Variants in UBLCP1 observed in about 807,000 individuals in gnomAD.
The protein encoded by UBLCP1 is ubiquitin-like domain-containing CTD phosphatase 1.
UBLCP1 carries 28 observed loss-of-function variants against 42.4 expected under a neutral mutation model. The ratio of observed to expected loss-of-function variants is 0.66; its 90% CI spans 0.49 to 0.90. The LOEUF is 0.90. Among genes scored for constraint, UBLCP1 ranks in the 40% least tolerant of loss-of-function variants. The pLI, the probability that UBLCP1 is intolerant of heterozygous loss-of-function variation, is 0.00. For missense variants in UBLCP1, 279 were observed against 374.5 expected, an observed-to-expected ratio of 0.75 and a Z score of 2.10; for synonymous variants, 122 against 120.8, an observed-to-expected ratio of 1.01 and a Z score of -0.07.
chr5:159,284,206 A>G (rs1398152616), intron 10 of UBLCP1, among the ~76,000 whole-genome samples: 1 of 152,132 alleles, frequency 6.6e-6, no homozygotes, highest in African/African-American at 2.4e-5. Context: ...AGTCATGGAG[A>G]TAGTAAATAC....
At chr5:159,267,683 A>G (rs1753415756) in intron 1 of UBLCP1, among the ~76,000 whole-genome samples, 1 of 152,216 alleles carries the variant, frequency 6.6e-6, no homozygotes, top group Non-Finnish European at 1.5e-5. Flanking sequence ...AGAGGGACCC[A>G]GGGGAAGGTA....
chr5:159,274,745 T>C, intron 7 of UBLCP1, 123 bp downstream of exon 7: 4 of 785,622 alleles, frequency 5.1e-6, no homozygotes, highest in Non-Finnish European at 8.3e-6. Flanking sequence ...TAAATGCCAT[T>C]ATTGGGAGTA....
In UBLCP1 at chr5:159,270,125, C is replaced by T. The variant is rs1753446608; in HGVS notation, c.246+126C>T. On this transcript the variant is annotated intron_variant, in intron 3 of 10. Transcript: ENST00000296786. ...AGCAATCAATGAAAAATAAAACCCG[C>T]ACCGTGAATGTGTTATTAACTGTAT... The T allele has an allele frequency of 8.6e-6, 7 of 810,394 alleles. No individual in the cohort carries two copies. In the Admixed American group the frequency reaches 9.1e-5, roughly 10 times the overall value. 50.2% of individuals were successfully genotyped at this position (810,394 alleles called of 1,614,324 possible). A position where few individuals can be genotyped will look rare whatever the true frequency, so the allele number is the denominator to read the frequency against.
intron 9 of UBLCP1, among the ~76,000 whole-genome samples, chr5:159,281,017 T>G (rs1289964929): frequency 2.0e-5 from 3 of 152,340 alleles, no homozygotes; most frequent in South Asian, 2.1e-4. Context: ...TTTTTAAAAA[T>G]GTACAGTAAA....
At chr5:159,275,403 A>ATTTTTTT (rs56675251) in intron 8 of UBLCP1, 157 bp downstream of exon 8, 1 of 155,598 alleles carries the variant, frequency 6.4e-6, no homozygotes. Context: ...AGGTTAAAAG[A>ATTTTTTT]TTTTTTTTTT....
intron 10 of UBLCP1, among the ~76,000 whole-genome samples, chr5:159,284,414 A>C (rs1051534243): frequency 6.6e-6 from 1 of 152,218 alleles, no homozygotes; most frequent in Non-Finnish European, 1.5e-5. Context: ...GTAATGTCTT[A>C]TATCTTTTAC....
At position 159,277,854 on chromosome 5, in the gene UBLCP1, C is replaced by A. The variant is rs550442440; in HGVS notation, c.685-384C>A. ...AGGGTGTTCTAGTTTTGAAAGCAGACTCCATGTGACTCCCAAGCTCTGAGA... is the reference window on the plus strand; with the variant it reads ...AGGGTGTTCTAGTTTTGAAAGCAGAATCCATGTGACTCCCAAGCTCTGAGA... On this transcript the variant is annotated intron_variant, in intron 8 of 10. Coordinates refer to ENST00000296786, the MANE Select transcript of UBLCP1 (RefSeq NM_145049.5). Among the ~76,000 whole-genome samples the A allele has an allele frequency of 3.1e-4, 47 of 152,168 alleles. No homozygotes were observed. The East Asian group carries it at 8.3e-3, about 27-fold the overall frequency.
chr5:159,281,525 A>T (rs779236331), intron 9 of UBLCP1, among the ~76,000 whole-genome samples: 2 of 152,298 alleles, frequency 1.3e-5, no homozygotes, highest in South Asian at 4.1e-4. Flanking sequence ...TCTCCCACAA[A>T]TGCTGATTTC....
intron 7 of UBLCP1, among the ~76,000 whole-genome samples, 154 bp from the exon 8 acceptor site, chr5:159,274,994 A>G (rs781226268): frequency 2.2e-4 from 34 of 152,198 alleles, no homozygotes; most frequent in Non-Finnish European, 3.7e-4. Flanking sequence ...TGACTTGGCT[A>G]AGTGAAACTA....
At chr5:159,280,021 T>C (rs1240837428) in intron 9 of UBLCP1, among the ~76,000 whole-genome samples, 1 of 152,204 alleles carries the variant, frequency 6.6e-6, no homozygotes, top group East Asian at 1.9e-4. Flanking sequence ...AGAGATGTTA[T>C]TGTAAATGTC....
At chr5:159,271,239 T>C (rs1345972872) in intron 5 of UBLCP1, among the ~76,000 whole-genome samples, 1 of 152,026 alleles carries the variant, frequency 6.6e-6, no homozygotes, top group Non-Finnish European at 1.5e-5. Flanking sequence ...GGTGGGAGGA[T>C]TGCTTGAGCT....
rs56675251 is a variant in UBLCP1, at chr5:159,275,403, ATTTTTTTTTTTTT to A, written c.684+172_684+184del. ...AGGAAAATGTATTTAAGGTTAAAAG[ATTTTTTTTTTTTT>A]TTTTTTTTTTTTTTGAGATGGAGTC... On this transcript the variant is annotated intron_variant, in intron 8 of 10. Coordinates refer to ENST00000296786, the MANE Select transcript of UBLCP1 (RefSeq NM_145049.5). 72 of 164,414 alleles carry A rather than the reference ATTTTTTTTTTTTT, an allele frequency of 4.4e-4. 1 individual carries two copies. Among genetic ancestry groups the A allele is most frequent in the Non-Finnish European group, 6.8e-4 (67 of 97,828 alleles). The allele number at this position is 164,414 out of a possible 1,614,324, so 10.2% of individuals were successfully genotyped here.
chr5:159,275,284 GT>G (rs1481897689), intron 8 of UBLCP1, 38 bp downstream of exon 8: 1 of 1,525,652 alleles, frequency 6.6e-7, no homozygotes, highest in Non-Finnish European at 9.0e-7. Flanking sequence ...TGACACCATG[GT>G]TATTTTCCAG....
In UBLCP1 at chr5:159,285,219, C is replaced by G; in HGVS notation, c.*288C>G. On this transcript the variant is annotated 3_prime_UTR_variant, in exon 11 of 11. Transcript: ENST00000296786. ...CACCACACACACACACACACACACA[C>G]ACACACACACACACACACACACACA... The G allele has an allele frequency of 4.0e-6, 1 of 251,332 alleles. No homozygotes were observed. The highest frequency in any genetic ancestry group is 7.4e-6 in the Non-Finnish European group (1 of 134,474). 15.6% of individuals were successfully genotyped at this position (251,332 alleles called of 1,614,324 possible). A position where few individuals can be genotyped will look rare whatever the true frequency, so the allele number is the denominator to read the frequency against.
At chr5:159,282,751 A>G (rs1447013417) in intron 9 of UBLCP1, among the ~76,000 whole-genome samples, 2 of 152,138 alleles carry the variant, frequency 1.3e-5, no homozygotes, top group Non-Finnish European at 2.9e-5. Context: ...TAAATGTATA[A>G]TGATATCTCA....
intron 1 of UBLCP1, among the ~76,000 whole-genome samples, chr5:159,267,476 T>G (rs1017419491): frequency 6.6e-6 from 1 of 152,160 alleles, no homozygotes; most frequent in Non-Finnish European, 1.5e-5. Context: ...TTGTCTTAGA[T>G]GAGACTTTGG....
chr5:159,278,362 A>G lies in UBLCP1; in HGVS notation c.801+8A>G, dbSNP rs12520035. On this transcript the variant is annotated splice_region_variant and intron_variant, in intron 9 of 10. Transcript: ENST00000296786. ...CCACAGAATGGACTAAAGGTAAGACATACTTTTACTTGTTATGTGCTCATG... is the reference window on the plus strand; with the variant it reads ...CCACAGAATGGACTAAAGGTAAGACGTACTTTTACTTGTTATGTGCTCATG... 0.1 allele frequency: 160,706 copies of G among 1,552,928 alleles called. 8,818 individuals are homozygous for G. The highest frequency in any genetic ancestry group is 0.18 in the Middle Eastern group (1,073 of 5,940).
intron 5 of UBLCP1, among the ~76,000 whole-genome samples, chr5:159,271,230 G>T (rs928846799): frequency 3.9e-5 from 6 of 152,126 alleles, no homozygotes; most frequent in Non-Finnish European, 8.8e-5. Context: ...GAAGGCTGAG[G>T]TGGGAGGATT....
chr5:159,283,552 A>T (rs1753632534), intron 10 of UBLCP1, among the ~76,000 whole-genome samples: 1 of 151,876 alleles, frequency 6.6e-6, no homozygotes. Context: ...CCTCTTGTAA[A>T]CTCTTTAATA....
Sources: allele counts gnomAD v4.1 joint callset (sites outside exome capture counted in the v4.1 genomes callset), GRCh38; gene constraint gnomAD v4.1.1; transcripts MANE v1.5; gene names NCBI Gene and HGNC (gene_info 2026-07-23, HGNC 2026-07-21).